ATG5: variants seen among roughly 807,000 people sequenced by gnomAD.
The protein encoded by ATG5 is autophagy protein 5.
Under a neutral mutation model 36.5 loss-of-function variants are expected in ATG5, and 14 were observed. The observed-to-expected ratio is 0.38, with a 90% CI of 0.25 to 0.60. The LOEUF is 0.60. ATG5 is among the 20% of genes least tolerant of loss of function. The pLI, the probability that ATG5 is intolerant of heterozygous loss-of-function variation, is 0.60. For missense variants in ATG5, 195 were observed against 326.7 expected (o/e 0.60, Z 3.11); for synonymous variants, 95 against 101.5 (o/e 0.94, Z 0.38).
chr6:106,270,125 G>A (rs1195677797), intron 5 of ATG5, among the ~76,000 whole-genome samples: 2 of 152,032 alleles, frequency 1.3e-5, no homozygotes, highest in African/African-American at 4.8e-5. Flanking sequence ...AGTAATTTCA[G>A]GAGCAATCCT....
chr6:106,290,705 C>T (rs1462565701), intron 4 of ATG5, among the ~76,000 whole-genome samples: 1 of 152,152 alleles, frequency 6.6e-6, no homozygotes. Context: ...TCTAATGTTG[C>T]ACTTTGAATG....
intron 7 of ATG5, 160 bp downstream of exon 7, chr6:106,201,812 T>C: frequency 2.3e-6 from 1 of 425,906 alleles, no homozygotes; most frequent in Admixed American, 4.0e-5. Context: ...ATTTACAAAA[T>C]AATATATTAA....
At chr6:106,276,859 C>T (rs1344197290) in intron 5 of ATG5, among the ~76,000 whole-genome samples, 1 of 152,182 alleles carries the variant, frequency 6.6e-6, no homozygotes, top group African/African-American at 2.4e-5. Flanking sequence ...AAACAAGGCA[C>T]TACACCTTCT....
chr6:106,261,176 A>G (rs1398244925), intron 5 of ATG5, among the ~76,000 whole-genome samples: 6 of 152,242 alleles, frequency 3.9e-5, no homozygotes, highest in African/African-American at 1.4e-4. Context: ...AAAGGAAAAT[A>G]CACAGAACAC....
At chr6:106,217,879 G>A (rs1485575666) in intron 6 of ATG5, among the ~76,000 whole-genome samples, 1 of 152,130 alleles carries the variant, frequency 6.6e-6, no homozygotes, top group Non-Finnish European at 1.5e-5. Flanking sequence ...CAGTATTTCA[G>A]ATTGAGATAA....
intron 3 of ATG5, among the ~76,000 whole-genome samples, chr6:106,305,296 A>G (rs989297414): frequency 3.3e-5 from 5 of 152,106 alleles, no homozygotes; most frequent in Non-Finnish European, 4.4e-5. Flanking sequence ...CTATTTCTTT[A>G]AAAAATCTTT....
chr6:106,300,676 C>A (rs373863554), intron 3 of ATG5, among the ~76,000 whole-genome samples: 1 of 152,094 alleles, frequency 6.6e-6, no homozygotes, highest in Non-Finnish European at 1.5e-5. Context: ...TGTTACTACA[C>A]TGAATACTCT....
chr6:106,240,480 G>C (rs1052438588), intron 6 of ATG5, among the ~76,000 whole-genome samples: 1 of 151,358 alleles, frequency 6.6e-6, no homozygotes, highest in Admixed American at 6.6e-5. Flanking sequence ...AGATAAAACA[G>C]ATTTATAAAC....
intron 6 of ATG5, among the ~76,000 whole-genome samples, chr6:106,209,736 T>C (rs1776786967): frequency 1.3e-5 from 2 of 152,244 alleles, no homozygotes; most frequent in African/African-American, 4.8e-5. Context: ...GTTGTGATAC[T>C]GTACTGTAAT....
intron 2 of ATG5, among the ~76,000 whole-genome samples, chr6:106,311,611 G>C (rs1420096308): frequency 6.6e-6 from 1 of 152,190 alleles, no homozygotes; most frequent in Non-Finnish European, 1.5e-5. Context: ...ACAGAGTTAA[G>C]ACAGAATAGT....
At chr6:106,214,467 AATT>A (rs1173645194) in intron 6 of ATG5, among the ~76,000 whole-genome samples, 1 of 152,180 alleles carries the variant, frequency 6.6e-6, no homozygotes, top group Non-Finnish European at 1.5e-5. Context: ...AAAAAATAAT[AATT>A]AACATTTGAA....
In ATG5 at chr6:106,185,964, C is replaced by T. The variant is rs1775748843; in HGVS notation, c.*576G>A. Reference sequence around the variant, plus strand: ...AGAGGCTTTATTTAAAAATCTCTCACTGTTCATTATCAAAGTTACAAGATT... The same window carrying T: ...AGAGGCTTTATTTAAAAATCTCTCATTGTTCATTATCAAAGTTACAAGATT... On this transcript the variant is annotated 3_prime_UTR_variant, in exon 8 of 8. Transcript: ENST00000369076. 2.6e-5 allele frequency: 4 copies of T among 152,750 alleles called. No individual in the cohort carries two copies. Among genetic ancestry groups the T allele is most frequent in the Admixed American group, 2.6e-4 (4 of 15,278 alleles). 9.5% of individuals were successfully genotyped at this position (152,750 alleles called of 1,614,324 possible).
intron 2 of ATG5, 25 bp downstream of exon 2, chr6:106,316,076 C>G: frequency 6.4e-7 from 1 of 1,554,502 alleles, no homozygotes; most frequent in South Asian, 1.2e-5. Flanking sequence ...TTAAATATCC[C>G]ATTTGCCACA....
intron 6 of ATG5, among the ~76,000 whole-genome samples, chr6:106,210,548 C>G (rs1194023747): frequency 6.6e-6 from 1 of 152,108 alleles, no homozygotes; most frequent in South Asian, 2.1e-4. Flanking sequence ...ACTGACCCTT[C>G]GTATTTCAAA....
chr6:106,242,203 C>T (rs887819313), intron 6 of ATG5, among the ~76,000 whole-genome samples: 1 of 152,084 alleles, frequency 6.6e-6, no homozygotes, highest in Non-Finnish European at 1.5e-5. Context: ...TGGTCTCGAA[C>T]TCCTGGGCTC....
chr6:106,234,234 A>G (rs1487404945), intron 6 of ATG5, among the ~76,000 whole-genome samples: 3 of 152,094 alleles, frequency 2.0e-5, no homozygotes, highest in South Asian at 2.1e-4. Context: ...AAACTACATG[A>G]AACCCTCCAT....
At chr6:106,295,098 C>T (rs934105017) in intron 3 of ATG5, among the ~76,000 whole-genome samples, 1 of 151,584 alleles carries the variant, frequency 6.6e-6, no homozygotes, top group African/African-American at 2.4e-5. Flanking sequence ...ATATATAGTA[C>T]TATAGACAAG....
intron 5 of ATG5, among the ~76,000 whole-genome samples, chr6:106,277,787 C>G (rs1779718017): frequency 6.6e-6 from 1 of 152,220 alleles, no homozygotes; most frequent in African/African-American, 2.4e-5. Flanking sequence ...GCATTCCAGC[C>G]TGGGTGACAG....
At chr6:106,254,418 C>A (rs1778720809) in intron 5 of ATG5, among the ~76,000 whole-genome samples, 1 of 152,282 alleles carries the variant, frequency 6.6e-6, no homozygotes, top group Non-Finnish European at 1.5e-5. Context: ...CGTACTTCAG[C>A]CCTAGAAAGT....
Sources: allele counts gnomAD v4.1 joint callset (sites outside exome capture counted in the v4.1 genomes callset), GRCh38; gene constraint gnomAD v4.1.1; transcripts MANE v1.5; gene names NCBI Gene and HGNC (gene_info 2026-07-23, HGNC 2026-07-21).